FAT3: variants seen among roughly 807,000 people sequenced by gnomAD.
FAT3 encodes protocadherin Fat 3.
A neutral mutation model predicts 310.2 loss-of-function variants in FAT3; 95 were observed. The ratio of observed to expected loss-of-function variants is 0.31; its 90% CI spans 0.26 to 0.36. The LOEUF is 0.36. FAT3 is among the 10% of genes least tolerant of loss of function. The pLI is 1.00. For missense variants in FAT3, 5,408 were observed against 5,715.6 expected (o/e 0.95, Z 1.74); for synonymous variants, 2,314 against 2,192.9 (o/e 1.06, Z -1.54).
At chr11:92,739,662 C>G (rs1482225793) in intron 4 of FAT3, among the ~76,000 whole-genome samples, 4 of 152,178 alleles carry the variant, frequency 2.6e-5, no homozygotes, top group African/African-American at 9.6e-5. Flanking sequence ...CACAAAGTTA[C>G]ATGTTTAAGC....
chr11:92,501,486 C>G (rs1026895059), intron 2 of FAT3, among the ~76,000 whole-genome samples: 1 of 152,038 alleles, frequency 6.6e-6, no homozygotes, highest in Non-Finnish European at 1.5e-5. Flanking sequence ...AATAGCAATA[C>G]AGAGTCAGAG....
chr11:92,252,971 A>G (rs1865190251), intron 1 of FAT3, among the ~76,000 whole-genome samples: 1 of 152,062 alleles, frequency 6.6e-6, no homozygotes, highest in Admixed American at 6.6e-5. Flanking sequence ...TACATTGCAG[A>G]TATTCCATTT....
chr11:92,303,065 C>T (rs1286045134), intron 1 of FAT3, among the ~76,000 whole-genome samples: 1 of 152,038 alleles, frequency 6.6e-6, no homozygotes, highest in Non-Finnish European at 1.5e-5. Context: ...TTAGCATCTA[C>T]CGAAGTAGGC....
intron 21 of FAT3, among the ~76,000 whole-genome samples, chr11:92,863,863 T>A (rs1023508176): frequency 6.6e-6 from 1 of 152,234 alleles, no homozygotes; most frequent in Admixed American, 6.5e-5. Context: ...CAAAAGATTA[T>A]TAACTTTTCA....
chr11:92,752,804 G>A (rs922288850), intron 4 of FAT3, among the ~76,000 whole-genome samples: 3 of 152,146 alleles, frequency 2.0e-5, no homozygotes, highest in African/African-American at 7.2e-5. Context: ...TAACAGAGGG[G>A]CTTTGCACAG....
chr11:92,509,763 T>G (rs1953231159), intron 2 of FAT3, among the ~76,000 whole-genome samples: 1 of 152,108 alleles, frequency 6.6e-6, no homozygotes, highest in Non-Finnish European at 1.5e-5. Context: ...TGCACCTAAA[T>G]AAAACTACAG....
intron 1 of FAT3, among the ~76,000 whole-genome samples, chr11:92,345,385 C>T (rs1274982262): frequency 7.9e-5 from 12 of 152,120 alleles, no homozygotes; most frequent in Non-Finnish European, 1.2e-4. Context: ...ACAGTACTAT[C>T]AGAAAGGTAG....
intron 3 of FAT3, among the ~76,000 whole-genome samples, chr11:92,657,216 C>G (rs1028279505): frequency 1.3e-4 from 20 of 152,148 alleles, no homozygotes; most frequent in African/African-American, 4.8e-4. Flanking sequence ...GGGCTGATCC[C>G]CTATTACTCC....
intron 3 of FAT3, among the ~76,000 whole-genome samples, chr11:92,535,586 G>A (rs562881404): frequency 2.1e-4 from 32 of 152,198 alleles, no homozygotes; most frequent in Non-Finnish European, 4.6e-4. Flanking sequence ...TAGACAAAAT[G>A]GTAAGAACTT....
At position 92,794,207 on chromosome 11, in the gene FAT3, T is replaced by G. The variant is rs191413724; in HGVS notation, c.4822+1230T>G. ...ACAGGACATTTTTATTACTTAATTATATAATCTTTGTTCTTTGGGTTCCAC... is the reference window on the plus strand; with the variant it reads ...ACAGGACATTTTTATTACTTAATTAGATAATCTTTGTTCTTTGGGTTCCAC... On this transcript the variant is annotated intron_variant, in intron 9 of 27. Transcript: ENST00000525166. 3.9e-5 allele frequency among the ~76,000 whole-genome samples: 6 copies of G among 152,278 alleles called. 1 individual carries two copies. The highest frequency in any genetic ancestry group is 3.9e-4 in the Admixed American group (6 of 15,286).
chr11:92,656,519 A>C (rs1942588923), intron 3 of FAT3, among the ~76,000 whole-genome samples: 1 of 152,234 alleles, frequency 6.6e-6, no homozygotes, highest in Non-Finnish European at 1.5e-5. Flanking sequence ...GTAATGGCAC[A>C]ACCAAACCAC....
At chr11:92,493,479 C>G (rs1324463026) in intron 2 of FAT3, among the ~76,000 whole-genome samples, 1 of 152,072 alleles carries the variant, frequency 6.6e-6, no homozygotes, top group African/African-American at 2.4e-5. Flanking sequence ...TCACAGACAC[C>G]TGCACGGCTT....
chr11:92,733,216 G>A (rs1463110799), intron 4 of FAT3, among the ~76,000 whole-genome samples: 1 of 152,160 alleles, frequency 6.6e-6, no homozygotes, highest in African/African-American at 2.4e-5. Flanking sequence ...GAAGAAACAG[G>A]CTCAGTAACC....
intron 3 of FAT3, among the ~76,000 whole-genome samples, chr11:92,618,607 A>G (rs1268606059): frequency 6.6e-6 from 1 of 151,518 alleles, no homozygotes; most frequent in Admixed American, 6.6e-5. Context: ...CCATCTTGGA[A>G]CCCCCTCTGG....
At chr11:92,358,316 T>C (rs1275713614) in intron 2 of FAT3, among the ~76,000 whole-genome samples, 2 of 152,194 alleles carry the variant, frequency 1.3e-5, no homozygotes, top group Non-Finnish European at 2.9e-5. Context: ...AGTAGCTAAG[T>C]GAGTTTATAA....
rs765868441 is a variant in FAT3, at chr11:92,353,619, G to A, written c.1507G>A (p.Glu503Lys). ...TVSASDKDKG[E>K]NGYITYSIAS... is the part of the protein sequence containing the mutation. ...TTCAGCTTCTGATAAGGATAAAGGA[G>A]AAAATGGGTACATCACCTATAGTAT... The change falls in exon 2 of 28, where the codon GAA (glutamate) becomes AAA (lysine). Residue 503 changes from glutamate to lysine, a missense_variant. Coordinates refer to ENST00000525166, the MANE Select transcript of FAT3 (RefSeq NM_001367949.2). 4.0e-5 allele frequency: 65 copies of A among 1,613,722 alleles called. No homozygotes were observed. Among genetic ancestry groups the A allele is most frequent in the Admixed American group, 1.7e-4 (10 of 59,926 alleles).
intron 1 of FAT3, among the ~76,000 whole-genome samples, chr11:92,297,373 C>A (rs1299556505): frequency 6.6e-6 from 1 of 152,042 alleles, no homozygotes; most frequent in Non-Finnish European, 1.5e-5. Context: ...TAACACTGAG[C>A]CTTGTACCTA....
intron 1 of FAT3, among the ~76,000 whole-genome samples, chr11:92,318,403 A>C (rs1947524154): frequency 6.6e-6 from 1 of 152,188 alleles, no homozygotes; most frequent in Non-Finnish European, 1.5e-5. Context: ...TAGCAATGGC[A>C]GTATGTTTTG....
chr11:92,806,942 C>A (rs768812453), intron 12 of FAT3, among the ~76,000 whole-genome samples: 1 of 151,838 alleles, frequency 6.6e-6, no homozygotes, highest in Non-Finnish European at 1.5e-5. Flanking sequence ...GGGGAGGTGA[C>A]GGATTGAACT....
Sources: allele counts gnomAD v4.1 joint callset (sites outside exome capture counted in the v4.1 genomes callset), GRCh38; gene constraint gnomAD v4.1.1; transcripts MANE v1.5; gene names NCBI Gene and HGNC (gene_info 2026-07-23, HGNC 2026-07-21).